Variants in PPM1L observed in about 807,000 individuals in gnomAD.
The protein encoded by PPM1L is protein phosphatase, Mg2+/Mn2+ dependent 1L.
PPM1L carries 13 observed loss-of-function variants against 31.4 expected under a neutral mutation model. The observed-to-expected ratio is 0.41, with a 90% CI of 0.27 to 0.66. PPM1L has a LOEUF of 0.66. PPM1L is among the 30% of genes least tolerant of loss of function. The pLI, the probability that PPM1L is intolerant of heterozygous loss-of-function variation, is 0.29. For missense variants in PPM1L, 326 were observed against 453.7 expected, an observed-to-expected ratio of 0.72 and a Z score of 2.56; for synonymous variants, 184 against 175.4, an observed-to-expected ratio of 1.05 and a Z score of -0.39.
chr3:160,847,355 T>C (rs1057481203), intron 1 of PPM1L, among the ~76,000 whole-genome samples: 1 of 152,154 alleles, frequency 6.6e-6, no homozygotes, highest in African/African-American at 2.4e-5. Flanking sequence ...AAAATAGATA[T>C]AGAGTGGAAT....
chr3:160,967,849 C>T (rs1233387977), intron 2 of PPM1L, among the ~76,000 whole-genome samples: 3 of 151,994 alleles, frequency 2.0e-5, no homozygotes, highest in African/African-American at 4.8e-5. Context: ...TTCCTAAAGC[C>T]CATTTTCCTA....
intron 2 of PPM1L, among the ~76,000 whole-genome samples, chr3:161,044,930 T>C (rs1401701072): frequency 6.6e-5 from 10 of 152,240 alleles, no homozygotes; most frequent in Non-Finnish European, 7.3e-5. Context: ...GAGGAAGATC[T>C]ACCAAGCAAA....
intron 2 of PPM1L, among the ~76,000 whole-genome samples, chr3:161,028,694 T>C (rs1246583118): frequency 6.6e-6 from 1 of 152,076 alleles, no homozygotes; most frequent in Non-Finnish European, 1.5e-5. Flanking sequence ...CCCTCCCCTA[T>C]GAATAAACTG....
intron 1 of PPM1L, among the ~76,000 whole-genome samples, chr3:160,760,679 T>C (rs1173245283): frequency 6.6e-6 from 1 of 152,142 alleles, no homozygotes; most frequent in East Asian, 1.9e-4. Context: ...TTTTTGTGCT[T>C]ACTTGTAATT....
At chr3:161,068,147 T>G (rs1719794689) in intron 3 of PPM1L, among the ~76,000 whole-genome samples, 1 of 152,198 alleles carries the variant, frequency 6.6e-6, no homozygotes, top group Non-Finnish European at 1.5e-5. Context: ...GCCAAATGAC[T>G]TATGTGGAAT....
At chr3:160,883,762 C>G (rs1712812768) in intron 1 of PPM1L, among the ~76,000 whole-genome samples, 1 of 151,256 alleles carries the variant, frequency 6.6e-6, no homozygotes, top group African/African-American at 2.4e-5. Flanking sequence ...TAATTCCCAG[C>G]ACTGCCACTG....
intron 1 of PPM1L, among the ~76,000 whole-genome samples, chr3:160,762,867 T>C (rs538655696): frequency 6.6e-6 from 1 of 152,230 alleles, no homozygotes; most frequent in Non-Finnish European, 1.5e-5. Context: ...CATTCATTAT[T>C]TTTTTCCATA....
Position 160,894,142 on chromosome 3 carries a change from G to T in PPM1L, c.400-67594G>T, listed in dbSNP as rs116466111. On this transcript the variant is annotated intron_variant, in intron 1 of 3. Transcript: ENST00000498165. ...ATGTAACTGCATCGTGAGTTAAGGTGCAGTTGTATTCTAAGACCTCTACAA... is the reference window on the plus strand; with the variant it reads ...ATGTAACTGCATCGTGAGTTAAGGTTCAGTTGTATTCTAAGACCTCTACAA... Among the ~76,000 whole-genome samples, 210 of 152,256 alleles carry T rather than the reference G, an allele frequency of 1.4e-3. 1 individual carries two copies. The highest frequency in any genetic ancestry group is 2.5e-3 in the Non-Finnish European group (171 of 68,018).
chr3:161,060,765 T>C (rs576839869), intron 2 of PPM1L, among the ~76,000 whole-genome samples: 1 of 151,154 alleles, frequency 6.6e-6, no homozygotes, highest in African/African-American at 2.4e-5. Context: ...TTTAAACCCA[T>C]GAGATAAGGT....
chr3:160,766,429 A>G (rs1053690355), intron 1 of PPM1L, among the ~76,000 whole-genome samples: 1 of 152,020 alleles, frequency 6.6e-6, no homozygotes, highest in African/African-American at 2.4e-5. Context: ...AGATCATTAG[A>G]CCTTCTTGCT....
rs1714800926 is a variant in PPM1L, at chr3:160,756,291, A to G, written c.-18A>G. 4 of 1,589,648 alleles carry G rather than the reference A, an allele frequency of 2.5e-6. No individual in the cohort carries two copies. The highest frequency in any genetic ancestry group is 3.4e-6 in the Non-Finnish European group (4 of 1,164,362). ...GGGCGCGCGTCGCTGGTGGTGGTTG[A>G]GGCTCTAGCGATAATAAATGATAGA... On this transcript the variant is annotated 5_prime_UTR_variant, in exon 1 of 4. Coordinates refer to ENST00000498165, the MANE Select transcript of PPM1L (RefSeq NM_139245.4). This position sits in a 1 kb window ranked among gnomAD's most constrained non-coding sequence, Gnocchi z 6.2.
intron 1 of PPM1L, among the ~76,000 whole-genome samples, chr3:160,814,476 T>C (rs62272825): frequency 0.035 from 5,087 of 145,058 alleles, 136 homozygotes; most frequent in Middle Eastern, 0.11. Flanking sequence ...GTGGTGTATA[T>C]ACACACACAC....
chr3:160,922,825 G>A (rs1466698753), intron 1 of PPM1L, among the ~76,000 whole-genome samples: 1 of 152,152 alleles, frequency 6.6e-6, no homozygotes, highest in Non-Finnish European at 1.5e-5. Context: ...ACTGTGCTAG[G>A]CAAAAGAATA....
intron 1 of PPM1L, among the ~76,000 whole-genome samples, chr3:160,929,375 G>A (rs1714707800): frequency 6.6e-6 from 1 of 152,164 alleles, no homozygotes; most frequent in Non-Finnish European, 1.5e-5. Context: ...TCTTCTCCCA[G>A]TTTCCCTTCC....
chr3:161,037,569 C>G (rs200501890), intron 2 of PPM1L, among the ~76,000 whole-genome samples: 1 of 149,886 alleles, frequency 6.7e-6, no homozygotes, highest in Non-Finnish European at 1.5e-5. Flanking sequence ...CATGCGCCAC[C>G]ATGCCCGGCT....
chr3:160,998,899 A>G (rs1355282065), intron 2 of PPM1L, among the ~76,000 whole-genome samples: 1 of 152,186 alleles, frequency 6.6e-6, no homozygotes, highest in Non-Finnish European at 1.5e-5. Flanking sequence ...TGACTTTTTA[A>G]TAAAGAACTT....
intron 1 of PPM1L, among the ~76,000 whole-genome samples, chr3:160,919,999 C>T (rs1179741673): frequency 6.6e-6 from 1 of 152,108 alleles, no homozygotes; most frequent in Non-Finnish European, 1.5e-5. Context: ...CCTTGGACTC[C>T]CAGGGCTTAA....
intron 2 of PPM1L, among the ~76,000 whole-genome samples, chr3:161,035,353 G>A (rs904901621): frequency 2.0e-5 from 3 of 152,186 alleles, no homozygotes; most frequent in Admixed American, 6.5e-5. Flanking sequence ...GAAAACTTCT[G>A]TTTCATGGTT....
intron 2 of PPM1L, among the ~76,000 whole-genome samples, chr3:160,978,182 C>G: frequency 6.6e-6 from 1 of 152,174 alleles, no homozygotes; most frequent in East Asian, 1.9e-4. Context: ...GCATCCCAGA[C>G]CATTTAGCTA....
Sources: allele counts gnomAD v4.1 joint callset (sites outside exome capture counted in the v4.1 genomes callset), GRCh38; gene constraint gnomAD v4.1.1; non-coding constraint Gnocchi (gnomAD v3.1); transcripts MANE v1.5; gene names NCBI Gene and HGNC (gene_info 2026-07-23, HGNC 2026-07-21).